ANAPC11: variants seen among roughly 807,000 people sequenced by gnomAD.
ANAPC11 encodes the protein anaphase-promoting complex subunit 11.
Under a neutral mutation model 11.8 loss-of-function variants are expected in ANAPC11, and 5 were observed. The ratio of observed to expected loss-of-function variants is 0.42; its 90% confidence interval spans 0.22 to 0.89. ANAPC11 has a LOEUF of 0.89. ANAPC11 is among the 40% of genes least tolerant of loss of function. The probability of loss-of-function intolerance (pLI) is 0.28; values close to 1 mark genes in which losing one functional copy is unlikely to be tolerated. For synonymous variants in ANAPC11, 45 were observed against 41.0 expected (o/e 1.10, Z -0.38); for missense variants, 68 against 112.9 (o/e 0.60, Z 1.80).
intron 3 of ANAPC11, among the ~76,000 whole-genome samples, chr17:81,895,802 T>C (rs1453002016): frequency 6.6e-6 from 1 of 152,132 alleles, no homozygotes; most frequent in Non-Finnish European, 1.5e-5. Flanking sequence ...ACGCCATCTC[T>C]ACTAAAAATA....
chr17:81,891,795 C>T lies in ANAPC11; in HGVS notation c.-121C>T, dbSNP rs1433976200. 1 of 264,214 alleles carries T rather than the reference C, an allele frequency of 3.8e-6. No individual in the cohort carries two copies. Among genetic ancestry groups the T allele is most frequent in the Non-Finnish European group, 7.0e-6 (1 of 143,102 alleles). 16.4% of individuals were successfully genotyped at this position (264,214 alleles called of 1,614,324 possible). On this transcript the variant is annotated 5_prime_UTR_variant, in exon 1 of 4. Coordinates refer to ENST00000344877, the MANE Select transcript of ANAPC11 (RefSeq NM_001002248.3). ...GCCGCGACTGTGGTCGTTTTTATAC[C>T]TTCCCGCGCGGACGCCGGCGCTGCC...
intron 3 of ANAPC11, among the ~76,000 whole-genome samples, chr17:81,895,810 A>G (rs995177273): frequency 6.6e-6 from 1 of 152,228 alleles, no homozygotes; most frequent in Non-Finnish European, 1.5e-5. Flanking sequence ...TCTACTAAAA[A>G]TACAAAAATT....
intron 2 of ANAPC11, among the ~76,000 whole-genome samples, chr17:81,894,146 C>T (rs942584427): frequency 6.6e-6 from 1 of 151,570 alleles, no homozygotes; most frequent in Admixed American, 6.6e-5. Context: ...CGTGGAGTCA[C>T]GTGCCTATAG....
At chr17:81,899,491 A>T (rs189044396) in intron 3 of ANAPC11, 43 of 1,613,886 alleles carry the variant, frequency 2.7e-5, no homozygotes, top group Non-Finnish European at 3.6e-5. Flanking sequence ...CATTCATGTG[A>T]CCTTTTTGGC....
chr17:81,895,333 G>A (rs916842943), intron 3 of ANAPC11, among the ~76,000 whole-genome samples: 1 of 151,930 alleles, frequency 6.6e-6, no homozygotes, highest in African/African-American at 2.4e-5. Context: ...TTACAGGCGC[G>A]AACCACCGTG....
intron 1 of ANAPC11, chr17:81,892,203 G>A (rs1305781343): frequency 1.3e-5 from 2 of 152,718 alleles, no homozygotes; most frequent in African/African-American, 4.8e-5. Context: ...GCCGGGCGCG[G>A]GCCTCACGCC....
intron 1 of ANAPC11, among the ~76,000 whole-genome samples, chr17:81,892,733 G>A (rs1315341791): frequency 6.6e-6 from 1 of 152,008 alleles, no homozygotes; most frequent in African/African-American, 2.4e-5. Context: ...ATGTTGGCCA[G>A]GGTGGTCTTG....
chr17:81,895,417 G>T (rs2039707314), intron 3 of ANAPC11, among the ~76,000 whole-genome samples: 1 of 152,190 alleles, frequency 6.6e-6, no homozygotes, highest in Non-Finnish European at 1.5e-5. Context: ...TGGTACCCAT[G>T]TTTATATAAA....
At chr17:81,897,952 A>G (rs1009435870) in intron 3 of ANAPC11, among the ~76,000 whole-genome samples, 10 of 152,186 alleles carry the variant, frequency 6.6e-5, no homozygotes, top group African/African-American at 1.9e-4. Flanking sequence ...TAACTTTTAC[A>G]TTGGCCCTAG....
At chr17:81,900,424 A>G (rs2039902371), downstream of ANAPC11, 3 of 323,002 alleles carry the variant, frequency 9.3e-6, no homozygotes, top group Admixed American at 5.2e-5. Flanking sequence ...AGCCTGGGGC[A>G]TGCTCTTCAG....
upstream of ANAPC11, chr17:81,891,695 C>A (rs1316020274): frequency 2.9e-6 from 3 of 1,025,392 alleles, no homozygotes; most frequent in Non-Finnish European, 2.4e-6. Flanking sequence ...CGGCTGCGCG[C>A]GCGGGACGGG....
At chr17:81,896,308 G>C (rs953214028) in intron 3 of ANAPC11, among the ~76,000 whole-genome samples, 1 of 152,146 alleles carries the variant, frequency 6.6e-6, no homozygotes, top group African/African-American at 2.4e-5. Flanking sequence ...TGTAATCCCA[G>C]CTACTCAGGA....
intron 3 of ANAPC11, chr17:81,899,204 T>C: frequency 6.3e-7 from 1 of 1,592,322 alleles, no homozygotes. Context: ...CTCATTTCTC[T>C]TGATCATGGC....
chr17:81,899,228 C>T, intron 3 of ANAPC11: 2 of 1,608,234 alleles, frequency 1.2e-6, no homozygotes, highest in Non-Finnish European at 1.7e-6. Context: ...TACAAGCATC[C>T]CTCTCTGTGT....
Position 81,899,984 on chromosome 17 carries a change from T to C in ANAPC11, c.174T>C (p.His58=), listed in dbSNP as rs1598306173. ...AGTGCTCCCACTGCTTCCACATGCA[T>C]TGCATCCTCAAGTGGCTGCACGCAC... ...WGQCSHCFHM[H]CILKWLHAQQ... is the part of the protein sequence containing the mutation. The change falls in exon 4 of 4, where the codon CAT becomes CAC. Residue 58 remains histidine (H), a synonymous_variant. Transcript: ENST00000344877. The C allele has an allele frequency of 1.2e-6, 2 of 1,613,078 alleles. No individual in the cohort carries two copies. The highest frequency in any genetic ancestry group is 1.1e-5 in the South Asian group (1 of 91,062).
intron 2 of ANAPC11, 54 bp from the exon 3 acceptor site, chr17:81,894,411 AAC>A: frequency 9.2e-7 from 1 of 1,085,366 alleles, no homozygotes. Context: ...TTGGTGCCTA[AAC>A]GTTCTAGCTC....
intron 3 of ANAPC11, among the ~76,000 whole-genome samples, chr17:81,895,348 C>G (rs2039703672): frequency 6.6e-6 from 1 of 152,110 alleles, no homozygotes; most frequent in Admixed American, 6.6e-5. Flanking sequence ...ACCGTGCCCC[C>G]CCCAACATTT....
At chr17:81,894,856 T>TA (rs2039682397) in intron 3 of ANAPC11, 1 of 364,214 alleles carries the variant, frequency 2.7e-6, no homozygotes, top group Non-Finnish European at 4.8e-6. Flanking sequence ...CAGCTGGGAT[T>TA]ACAGGCATGT....
At chr17:81,891,682 G>A (rs2143506173), upstream of ANAPC11, 3 of 1,071,372 alleles carry the variant, frequency 2.8e-6, no homozygotes, top group South Asian at 2.3e-5. Flanking sequence ...GGCCGCTGGC[G>A]GACGGCTGCG....
Sources: allele counts gnomAD v4.1 joint callset (sites outside exome capture counted in the v4.1 genomes callset), GRCh38; gene constraint gnomAD v4.1.1; transcripts MANE v1.5; gene names NCBI Gene and HGNC (gene_info 2026-07-23, HGNC 2026-07-21).